KCNQ1: variants seen among roughly 807,000 people sequenced by gnomAD.
KCNQ1 encodes the protein potassium voltage-gated channel subfamily Q member 1.
Under a neutral mutation model 72.4 loss-of-function variants are expected in KCNQ1, and 49 were observed. The observed-to-expected ratio is 0.68, with a 90% CI of 0.54 to 0.86. The LOEUF is 0.86. Ranked by LOEUF, KCNQ1 falls within the 40% of genes least tolerant of loss-of-function variation. KCNQ1 has a pLI of 0.00. For synonymous variants in KCNQ1, 450 were observed against 412.6 expected, an observed-to-expected ratio of 1.09 and a Z score of -1.10; for missense variants, 790 against 945.1, an observed-to-expected ratio of 0.84 and a Z score of 2.15.
chr11:2,743,975 C>G (rs533214486), intron 11 of KCNQ1, among the ~76,000 whole-genome samples: 2 of 152,304 alleles, frequency 1.3e-5, no homozygotes, highest in Admixed American at 6.5e-5. Context: ...CCCGTTCTGG[C>G]CTGATCCGGG....
At chr11:2,589,899 C>T (rs180742094) in intron 10 of KCNQ1, among the ~76,000 whole-genome samples, 1 of 152,174 alleles carries the variant, frequency 6.6e-6, no homozygotes, top group Middle Eastern at 3.2e-3. Context: ...AGGGCAGGAC[C>T]GTGAACTGGG....
intron 11 of KCNQ1, among the ~76,000 whole-genome samples, chr11:2,706,134 G>A (rs562398993): frequency 2.0e-5 from 3 of 152,364 alleles, no homozygotes; most frequent in Admixed American, 6.5e-5. Context: ...TTGACAATCC[G>A]TTCTTCCGGA....
intron 11 of KCNQ1, among the ~76,000 whole-genome samples, chr11:2,761,351 T>C (rs34861825): frequency 1.3e-5 from 2 of 151,968 alleles, no homozygotes; most frequent in African/African-American, 4.8e-5. Context: ...CGCTTGTGTC[T>C]TCTTCTGCCG....
chr11:2,509,666 C>T lies in KCNQ1; in HGVS notation c.387-18262C>T, dbSNP rs1194124120. On this transcript the variant is annotated intron_variant, in intron 1 of 15. Transcript: ENST00000155840. This position sits in a 1 kb window ranked among gnomAD's most constrained non-coding sequence, Gnocchi z 6.3. ...ACTCCCAGCACGTCACGCCACGTCC[C>T]TTTCCTCTGCTTTGTTCCTCCTCAG... Among the ~76,000 whole-genome samples, 1 of 152,170 alleles carries T rather than the reference C, an allele frequency of 6.6e-6. No homozygotes were observed. Among genetic ancestry groups the T allele is most frequent in the Non-Finnish European group, 1.5e-5 (1 of 68,034 alleles).
At chr11:2,609,487 A>G (rs1848940880) in intron 10 of KCNQ1, 1 of 398,252 alleles carries the variant, frequency 2.5e-6, no homozygotes, top group Non-Finnish European at 4.4e-6. Flanking sequence ...AAAATACTGT[A>G]TATTCAATGT....
rs367983973 is a variant in KCNQ1 at position 2,626,494 on chromosome 11, C to T, written c.1394-35467C>T. Reference sequence around the variant, plus strand: ...GGTCTCTACATCTTTATGTCAATACCACATAGTTTTGATTACTGTAGCTTC... The same window carrying T: ...GGTCTCTACATCTTTATGTCAATACTACATAGTTTTGATTACTGTAGCTTC... On this transcript the variant is annotated intron_variant, in intron 10 of 15. Transcript: ENST00000155840. This position sits in a 1 kb window ranked among gnomAD's most constrained non-coding sequence, Gnocchi z 4.0. 31 of 398,468 alleles carry T rather than the reference C, an allele frequency of 7.8e-5. No homozygotes were observed. Among genetic ancestry groups the T allele is most frequent in the South Asian group, 7.6e-4 (6 of 7,848 alleles). 24.7% of individuals were successfully genotyped at this position (398,468 alleles called of 1,614,324 possible). A position where few individuals can be genotyped will look rare whatever the true frequency, so the allele number is the denominator to read the frequency against.
At position 2,483,451 on chromosome 11, in the gene KCNQ1, G is replaced by A. The variant is rs780211342; in HGVS notation, c.386+37967G>A. 2.6e-5 allele frequency among the ~76,000 whole-genome samples: 4 copies of A among 152,088 alleles called. No individual in the cohort carries two copies. The highest frequency in any genetic ancestry group is 5.9e-5 in the Non-Finnish European group (4 of 68,026). On this transcript the variant is annotated intron_variant, in intron 1 of 15. Transcript: ENST00000155840. This position sits in a 1 kb window ranked among gnomAD's most constrained non-coding sequence, Gnocchi z 6.1. The stretch of plus-strand genomic sequence containing the variant: ...CTGATACATTACCGTGAACTCAACT[G>A]CAGATCTGATTCAAATCCCGCGTTT...
intron 11 of KCNQ1, among the ~76,000 whole-genome samples, chr11:2,763,063 T>C (rs1846434041): frequency 6.6e-6 from 1 of 152,206 alleles, no homozygotes; most frequent in South Asian, 2.1e-4. Flanking sequence ...CGGTTTCCAA[T>C]AAATAAACAA....
At chr11:2,689,327 C>A (rs975758172) in intron 11 of KCNQ1, 49 of 398,564 alleles carry the variant, frequency 1.2e-4, no homozygotes, top group Admixed American at 5.3e-4. Flanking sequence ...AGGACTGCCC[C>A]TATCCGCAGA....
intron 11 of KCNQ1, chr11:2,692,371 C>T (rs895908288): frequency 7.5e-6 from 3 of 398,790 alleles, no homozygotes; most frequent in African/African-American, 6.2e-5. Context: ...AACTGGCATT[C>T]TCACATCCCC....
In KCNQ1 at chr11:2,817,347, C is replaced by A. The variant is rs1399794370; in HGVS notation, c.1795-30420C>A. Among the ~76,000 whole-genome samples, 1 of 152,164 alleles carries A rather than the reference C, an allele frequency of 6.6e-6. No homozygotes were observed. The highest frequency in any genetic ancestry group is 1.5e-5 in the Non-Finnish European group (1 of 68,018). ...GCTTCAGCCAGTTTCTGAGCGCTAC[C>A]TTGAACCCCTGTTGCACCCCAGGAG... is the stretch of plus-strand genomic sequence containing the variant. On this transcript the variant is annotated intron_variant, in intron 15 of 15. Transcript: ENST00000155840. This position sits in a 1 kb window ranked among gnomAD's most constrained non-coding sequence, Gnocchi z 6.1.
At chr11:2,700,463 G>T (rs537310637) in intron 11 of KCNQ1, among the ~76,000 whole-genome samples, 1 of 152,110 alleles carries the variant, frequency 6.6e-6, no homozygotes, top group Non-Finnish European at 1.5e-5. Flanking sequence ...TCCAGGCCAC[G>T]CCCGAGACCA....
At chr11:2,692,678 T>TA (rs1850607889) in intron 11 of KCNQ1, 1 of 398,590 alleles carries the variant, frequency 2.5e-6, no homozygotes, top group South Asian at 1.3e-4. Context: ...CAACATTAGT[T>TA]AGTCTTTCTC....
chr11:2,460,872 T>G (rs1846267876), intron 1 of KCNQ1, among the ~76,000 whole-genome samples: 1 of 152,188 alleles, frequency 6.6e-6, no homozygotes, highest in Non-Finnish European at 1.5e-5. Context: ...CGTGACTGCT[T>G]CTGGTTGAGG....
At position 2,564,207 on chromosome 11, in the gene KCNQ1, C is replaced by T. The variant is rs1049103960; in HGVS notation, c.478-6421C>T. On this transcript the variant is annotated intron_variant, in intron 2 of 15. Transcript: ENST00000155840. This position sits in a 1 kb window ranked among gnomAD's most constrained non-coding sequence, Gnocchi z 4.5. ...AAGGCGGTTCAGCCAACACCTGTCTCCGGTTCCAGAGCTTTTTCATCACCT... is the reference window on the plus strand; with the variant it reads ...AAGGCGGTTCAGCCAACACCTGTCTTCGGTTCCAGAGCTTTTTCATCACCT... Among the ~76,000 whole-genome samples the T allele has an allele frequency of 7.2e-5, 11 of 152,244 alleles. No homozygotes were observed. Among genetic ancestry groups the T allele is most frequent in the Non-Finnish European group, 1.3e-4 (9 of 68,046 alleles).
intron 11 of KCNQ1, among the ~76,000 whole-genome samples, chr11:2,756,787 G>A (rs1447907367): frequency 6.6e-6 from 1 of 151,814 alleles, no homozygotes; most frequent in Non-Finnish European, 1.5e-5. Flanking sequence ...GTCCTTGGGA[G>A]CTTTCTACAT....
At chr11:2,637,319 A>G (rs930024516) in intron 10 of KCNQ1, 23 of 152,142 alleles carry the variant, frequency 1.5e-4, no homozygotes, top group African/African-American at 5.6e-4. Flanking sequence ...GTGGGCATTT[A>G]GTGCTATAAA....
chr11:2,533,571 C>T (rs1263501413), intron 2 of KCNQ1, among the ~76,000 whole-genome samples: 2 of 152,204 alleles, frequency 1.3e-5, no homozygotes, highest in Non-Finnish European at 1.5e-5. Flanking sequence ...TGTACGTGTG[C>T]GTGCCTGTGG....
At chr11:2,539,228 G>A (rs1296060777) in intron 2 of KCNQ1, among the ~76,000 whole-genome samples, 6 of 152,230 alleles carry the variant, frequency 3.9e-5, no homozygotes, top group Non-Finnish European at 8.8e-5. Flanking sequence ...AAGGGGATGG[G>A]GGCCTGGCTC....
Sources: allele counts gnomAD v4.1 joint callset (sites outside exome capture counted in the v4.1 genomes callset), GRCh38; gene constraint gnomAD v4.1.1; non-coding constraint Gnocchi (gnomAD v3.1); transcripts MANE v1.5; gene names NCBI Gene and HGNC (gene_info 2026-07-23, HGNC 2026-07-21).